Variants in NEIL3 observed in about 807,000 individuals in gnomAD.
The protein encoded by NEIL3 is nei like DNA glycosylase 3.
Under a neutral mutation model 57.5 loss-of-function variants are expected in NEIL3, and 48 were observed. That is an observed-to-expected ratio of 0.83 (90% CI 0.66 to 1.06). NEIL3 has a LOEUF of 1.06. NEIL3 is among the 50% of genes least tolerant of loss of function. The pLI is 0.00. For missense variants in NEIL3, 717 were observed against 739.1 expected, an observed-to-expected ratio of 0.97 and a Z score of 0.35; for synonymous variants, 261 against 253.2, an observed-to-expected ratio of 1.03 and a Z score of -0.29.
chr4:177,342,484 T>C (rs1335433194), intron 6 of NEIL3, among the ~76,000 whole-genome samples: 1 of 152,068 alleles, frequency 6.6e-6, no homozygotes, highest in Non-Finnish European at 1.5e-5. Context: ...CATAGCAGTA[T>C]ATGTGATTAT....
At chr4:177,342,149 A>G (rs915921826) in intron 6 of NEIL3, among the ~76,000 whole-genome samples, 2 of 152,206 alleles carry the variant, frequency 1.3e-5, no homozygotes, top group East Asian at 1.9e-4. Flanking sequence ...AGGTTTGAGG[A>G]CTTACTGTGA....
chr4:177,335,732 A>T lies in NEIL3; in HGVS notation c.323A>T (p.Glu108Val). Residue 108 changes from glutamate to valine, a missense_variant, in exon 3 of 10, where the codon GAG (glutamate) becomes GTG (valine). Glu to Val is a moderately radical substitution (Grantham distance 121). Coordinates refer to ENST00000264596, the MANE Select transcript of NEIL3 (RefSeq NM_018248.3). ...GGCTTCATCATGATTAATCCACTTG[A>T]GTATAAATATAAAAATGGAGCTTCT... ...MKGFIMINPL[E>V]YKYKNGASPV... is the part of the protein sequence containing the mutation. The T allele has an allele frequency of 6.3e-7, 1 of 1,599,356 alleles. No homozygotes were observed.
chr4:177,334,060 A>G (rs535756275), intron 2 of NEIL3, among the ~76,000 whole-genome samples: 1 of 152,232 alleles, frequency 6.6e-6, no homozygotes, highest in Admixed American at 6.5e-5. Flanking sequence ...TTCCTAAACT[A>G]ATTAATTATG....
chr4:177,340,159 A>T (rs1179667155), intron 5 of NEIL3, among the ~76,000 whole-genome samples: 1 of 152,214 alleles, frequency 6.6e-6, no homozygotes, highest in Non-Finnish European at 1.5e-5. Flanking sequence ...AAGTCTAGAG[A>T]GGCTGACCTA....
intron 2 of NEIL3, among the ~76,000 whole-genome samples, chr4:177,323,122 C>A (rs139225046): frequency 6.6e-6 from 1 of 152,174 alleles, no homozygotes; most frequent in Non-Finnish European, 1.5e-5. Context: ...GAAGGACTAG[C>A]AACCTATTTC....
chr4:177,354,827 A>G (rs150895607), intron 8 of NEIL3, among the ~76,000 whole-genome samples: 5 of 152,344 alleles, frequency 3.3e-5, no homozygotes, highest in African/African-American at 1.2e-4. Context: ...GCTACTTTGT[A>G]TCTGAAATTC....
chr4:177,339,778 T>G lies in NEIL3; in HGVS notation c.628-5T>G, dbSNP rs756921572. On this transcript the variant is annotated splice_polypyrimidine_tract_variant and splice_region_variant and intron_variant, in intron 4 of 9. Coordinates refer to ENST00000264596, the MANE Select transcript of NEIL3 (RefSeq NM_018248.3). ...ACTAGGCTCTGCTGTTTTTTCCACT[T>G]CAAGGTTTGTCAATTAACAGATGAA... 2 of 1,606,994 alleles carry G rather than the reference T, an allele frequency of 1.2e-6. No individual in the cohort carries two copies. Among genetic ancestry groups the G allele is most frequent in the Non-Finnish European group, 1.7e-6 (2 of 1,173,830 alleles).
the NEIL3 span, among the ~76,000 whole-genome samples, chr4:177,367,958 C>G: frequency 6.6e-6 from 1 of 152,132 alleles, no homozygotes; most frequent in Non-Finnish European, 1.5e-5. Context: ...GTTAAGGAGA[C>G]TTGGACTTCT....
chr4:177,340,453 TG>T (rs1273877610), intron 5 of NEIL3, among the ~76,000 whole-genome samples: 1 of 152,224 alleles, frequency 6.6e-6, no homozygotes, highest in Non-Finnish European at 1.5e-5. Flanking sequence ...AATGCAAATA[TG>T]TATTTTCTTT....
At chr4:177,341,060 CTGAG>C (rs1348412919) in intron 5 of NEIL3, among the ~76,000 whole-genome samples, 2 of 151,924 alleles carry the variant, frequency 1.3e-5, no homozygotes, top group African/African-American at 4.8e-5. Flanking sequence ...GTTGTTGAAA[CTGAG>C]TGAGCAGTTT....
chr4:177,348,851 C>G, intron 6 of NEIL3, among the ~76,000 whole-genome samples: 1 of 121,130 alleles, frequency 8.3e-6, no homozygotes, highest in South Asian at 2.7e-4. Flanking sequence ...AGATTGGTGG[C>G]TCATGAATTT....
intron 8 of NEIL3, among the ~76,000 whole-genome samples, chr4:177,357,502 A>T (rs1415337941): frequency 6.6e-6 from 1 of 152,228 alleles, no homozygotes; most frequent in Non-Finnish European, 1.5e-5. Flanking sequence ...TAAATTGACC[A>T]TGAAAAAATA....
chr4:177,344,802 T>C (rs1735179003), intron 6 of NEIL3, among the ~76,000 whole-genome samples: 2 of 152,208 alleles, frequency 1.3e-5, no homozygotes, highest in Non-Finnish European at 2.9e-5. Context: ...GCTCAAGTGA[T>C]CTGCCTGCCT....
chr4:177,326,940 T>C (rs1734791738), intron 2 of NEIL3, among the ~76,000 whole-genome samples: 1 of 152,186 alleles, frequency 6.6e-6, no homozygotes, highest in Admixed American at 6.5e-5. Flanking sequence ...CCAGATTTCA[T>C]CTTGAATTGT....
intron 8 of NEIL3, among the ~76,000 whole-genome samples, chr4:177,359,691 C>A (rs909215152): frequency 2.6e-5 from 4 of 152,096 alleles, no homozygotes; most frequent in African/African-American, 9.7e-5. Flanking sequence ...ACTTTCTCTT[C>A]AACCAGTTTA....
intron 8 of NEIL3, among the ~76,000 whole-genome samples, chr4:177,355,526 A>G (rs1424012226): frequency 6.6e-6 from 1 of 152,066 alleles, no homozygotes; most frequent in South Asian, 2.1e-4. Flanking sequence ...TTTGTTTCCA[A>G]ATATTTTCGA....
downstream of NEIL3, among the ~76,000 whole-genome samples, chr4:177,367,193 T>G (rs923620977): frequency 2.3e-5 from 3 of 131,354 alleles, no homozygotes; most frequent in African/African-American, 9.1e-5. Context: ...TTTTCCTGGT[T>G]TTCAGCTTGA....
At chr4:177,357,476 C>T (rs1735498886) in intron 8 of NEIL3, among the ~76,000 whole-genome samples, 1 of 152,072 alleles carries the variant, frequency 6.6e-6, no homozygotes, top group Non-Finnish European at 1.5e-5. Context: ...TTGGACACCC[C>T]TAAGTTAAAC....
intron 2 of NEIL3, among the ~76,000 whole-genome samples, chr4:177,328,651 G>T (rs1050509345): frequency 2.0e-5 from 3 of 152,122 alleles, no homozygotes; most frequent in Admixed American, 2.0e-4. Flanking sequence ...GAATGTAGTA[G>T]CAGGAGACCT....
Sources: allele counts gnomAD v4.1 joint callset (sites outside exome capture counted in the v4.1 genomes callset), GRCh38; gene constraint gnomAD v4.1.1; transcripts MANE v1.5; gene names NCBI Gene and HGNC (gene_info 2026-07-23, HGNC 2026-07-21).